KAZN: variants seen among roughly 807,000 people sequenced by gnomAD.
KAZN encodes kazrin.
Under a neutral mutation model 87.4 loss-of-function variants are expected in KAZN, and 40 were observed. The ratio of observed to expected loss-of-function variants is 0.46; its 90% CI spans 0.36 to 0.60. KAZN has a LOEUF of 0.60. KAZN is among the 20% of genes least tolerant of loss of function. The probability of loss-of-function intolerance (pLI) is 0.00; values close to 1 mark genes in which losing one functional copy is unlikely to be tolerated. For missense variants in KAZN, 898 were observed against 1,073.9 expected, an observed-to-expected ratio of 0.84 and a Z score of 2.29; for synonymous variants, 466 against 458.3, an observed-to-expected ratio of 1.02 and a Z score of -0.22.
At chr1:15,074,318 G>A (rs1047876908) in intron 8 of KAZN, among the ~76,000 whole-genome samples, 34 of 152,184 alleles carry the variant, frequency 2.2e-4, no homozygotes, top group African/African-American at 7.7e-4. Context: ...TGTGAATGAC[G>A]GGTCTGCAGC....
At chr1:15,098,303 G>A (rs545677708) in intron 10 of KAZN, among the ~76,000 whole-genome samples, 1 of 152,226 alleles carries the variant, frequency 6.6e-6, no homozygotes, top group African/African-American at 2.4e-5. Flanking sequence ...TTCAACTTGG[G>A]CTCTTACAAT....
Position 14,845,551 on chromosome 1 carries a change from A to ATGGG in KAZN, c.227-115125_227-115122dup, listed in dbSNP as rs1183608838. On this transcript the variant is annotated intron_variant, in intron 1 of 14. Transcript: ENST00000376030. ...GGTAAGTAGGTGGATGGATGCATAGATGGGTGGGTGGATGGATGGATGGAT... is the reference window on the plus strand; with the variant it reads ...GGTAAGTAGGTGGATGGATGCATAGATGGGTGGGTGGGTGGATGGATGGATGGAT... 5.5e-4 allele frequency among the ~76,000 whole-genome samples: 76 copies of ATGGG among 139,000 alleles called. 1 individual carries two copies. The highest frequency in any genetic ancestry group is 1.5e-3 in the Admixed American group (22 of 14,476). The allele number at this position is 139,000 out of a possible 152,430, so 91.2% of individuals were successfully genotyped here. A position where few individuals can be genotyped will look rare whatever the true frequency, so the allele number is the denominator to read the frequency against.
At chr1:15,002,124 C>T (rs1348287965) in intron 2 of KAZN, among the ~76,000 whole-genome samples, 2 of 152,070 alleles carry the variant, frequency 1.3e-5, no homozygotes, top group Non-Finnish European at 2.9e-5. Flanking sequence ...TTGTGATCCA[C>T]CCGCCTCGTC....
chr1:14,719,748 A>G (rs112808334), intron 1 of KAZN, among the ~76,000 whole-genome samples: 1 of 152,196 alleles, frequency 6.6e-6, no homozygotes, highest in Admixed American at 6.5e-5. Context: ...CTGAGGCAGG[A>G]GAATCACTTG....
intron 1 of KAZN, among the ~76,000 whole-genome samples, chr1:14,698,444 C>T (rs1480863511): frequency 1.3e-4 from 20 of 152,208 alleles, no homozygotes; most frequent in South Asian, 2.1e-4. Context: ...GCTGATTTGC[C>T]GTTGGGGTCA....
intron 2 of KAZN, among the ~76,000 whole-genome samples, chr1:14,548,419 G>A (rs561038723): frequency 2.4e-3 from 360 of 152,068 alleles, no homozygotes; most frequent in Non-Finnish European, 4.1e-3. Context: ...GGCAGGTCTC[G>A]AACCCCTGAC....
At chr1:15,046,110 T>C (rs1673465080) in intron 4 of KAZN, among the ~76,000 whole-genome samples, 3 of 152,096 alleles carry the variant, frequency 2.0e-5, no homozygotes, top group African/African-American at 7.2e-5. Flanking sequence ...CCAGCCTGGC[T>C]AACACGGTGT....
intron 2 of KAZN, among the ~76,000 whole-genome samples, chr1:14,420,939 G>A (rs1557709952): frequency 7.0e-6 from 1 of 142,692 alleles, no homozygotes; most frequent in Non-Finnish European, 1.6e-5. Flanking sequence ...AGCAGAGGGA[G>A]CCAGCTCCGG....
chr1:14,243,838 T>C (rs1004877221), intron 2 of KAZN, among the ~76,000 whole-genome samples: 25 of 152,154 alleles, frequency 1.6e-4, no homozygotes, highest in Admixed American at 1.3e-3. Flanking sequence ...CATGTAATTA[T>C]GCGTGTTTCA....
chr1:14,915,685 G>A (rs1006628910), intron 1 of KAZN, among the ~76,000 whole-genome samples: 8 of 152,138 alleles, frequency 5.3e-5, no homozygotes, highest in Non-Finnish European at 8.8e-5. Context: ...AGGCAGTTTC[G>A]CAGAGGATAC....
At chr1:14,689,413 T>C (rs769739186) in intron 1 of KAZN, among the ~76,000 whole-genome samples, 11 of 152,146 alleles carry the variant, frequency 7.2e-5, no homozygotes, top group Non-Finnish European at 1.5e-4. Context: ...GCCTCTTCCA[T>C]ATGCTGGACA....
intron 1 of KAZN, among the ~76,000 whole-genome samples, chr1:14,835,581 AG>A (rs1647209787): frequency 1.3e-5 from 2 of 152,188 alleles, no homozygotes; most frequent in Non-Finnish European, 2.9e-5. Flanking sequence ...GAAGCGCGGA[AG>A]TTAAATAACT....
intron 1 of KAZN, among the ~76,000 whole-genome samples, chr1:14,123,918 C>G (rs888156601): frequency 1.3e-5 from 2 of 152,126 alleles, no homozygotes; most frequent in Non-Finnish European, 2.9e-5. Context: ...TCCCAAGTGG[C>G]CCAGGCTTCT....
intron 1 of KAZN, among the ~76,000 whole-genome samples, chr1:14,827,791 A>G (rs896490550): frequency 3.3e-5 from 5 of 152,208 alleles, no homozygotes; most frequent in African/African-American, 1.2e-4. Context: ...ATGAGTGGGC[A>G]TGTCTATGGG....
intron 1 of KAZN, among the ~76,000 whole-genome samples, chr1:14,009,448 C>G (rs1640187238): frequency 1.3e-5 from 2 of 152,204 alleles, no homozygotes; most frequent in African/African-American, 4.8e-5. Flanking sequence ...CATAAAGATT[C>G]CAGTGTCTCC....
intron 1 of KAZN, among the ~76,000 whole-genome samples, chr1:14,644,447 C>T (rs1453573315): frequency 1.0e-4 from 15 of 150,422 alleles, no homozygotes; most frequent in African/African-American, 7.4e-5. Flanking sequence ...CTGCAAGCTC[C>T]GCCTACCAGG....
At chr1:14,001,275 A>G (rs1639780422) in intron 1 of KAZN, among the ~76,000 whole-genome samples, 1 of 152,204 alleles carries the variant, frequency 6.6e-6, no homozygotes, top group Admixed American at 6.5e-5. Flanking sequence ...ACAATAAAAT[A>G]CCTAGGAATG....
chr1:14,367,783 G>A (rs1660136206), intron 2 of KAZN, among the ~76,000 whole-genome samples: 1 of 152,128 alleles, frequency 6.6e-6, no homozygotes, highest in Non-Finnish European at 1.5e-5. Flanking sequence ...GGCAAGCAGG[G>A]GAGTCCAGGG....
At chr1:14,227,755 A>C (rs1187548730) in intron 2 of KAZN, among the ~76,000 whole-genome samples, 1 of 152,186 alleles carries the variant, frequency 6.6e-6, no homozygotes, top group Admixed American at 6.5e-5. Context: ...GCTCTCAGCA[A>C]ATTTCCAACA....
Sources: gnomAD v4.1 joint callset for allele counts (sites outside exome capture counted in the v4.1 genomes callset) on GRCh38, gnomAD v4.1.1 for gene constraint, MANE v1.5 for transcripts, NCBI Gene and HGNC (gene_info 2026-07-23, HGNC 2026-07-21) for gene names.